Variants in ME1 observed in about 807,000 individuals in gnomAD.
The protein encoded by ME1 is malic enzyme 1, also known as NADP-dependent malic enzyme.
A neutral mutation model predicts 66.4 loss-of-function variants in ME1; 74 were observed. The observed-to-expected ratio is 1.11, with a 90% CI of 0.92 to 1.35. The LOEUF is 1.35. Among genes scored for constraint, ME1 ranks in the 40% most tolerant of loss-of-function variants. The pLI, the probability that ME1 is intolerant of heterozygous loss-of-function variation, is 0.00. For missense variants in ME1, 750 were observed against 694.1 expected (o/e 1.08, Z -0.90); for synonymous variants, 251 against 235.6 (o/e 1.07, Z -0.60).
intron 6 of ME1, among the ~76,000 whole-genome samples, chr6:83,269,997 C>G (rs371812932): frequency 6.6e-6 from 1 of 151,904 alleles, no homozygotes; most frequent in East Asian, 1.9e-4. Flanking sequence ...AAATATAGAC[C>G]CAGAGGTCTG....
intron 6 of ME1, among the ~76,000 whole-genome samples, chr6:83,258,805 T>G (rs1332547976): frequency 6.6e-6 from 1 of 152,126 alleles, no homozygotes; most frequent in Non-Finnish European, 1.5e-5. Flanking sequence ...GGTGGTAAGG[T>G]CTGCACTGAA....
At chr6:83,408,957 A>T (rs1262647927) in intron 1 of ME1, among the ~76,000 whole-genome samples, 1 of 152,164 alleles carries the variant, frequency 6.6e-6, no homozygotes, top group African/African-American at 2.4e-5. Flanking sequence ...CCCCAAGGCG[A>T]TGGCATAGGA....
chr6:83,360,564 G>C (rs1007873565), intron 3 of ME1, among the ~76,000 whole-genome samples: 1 of 152,180 alleles, frequency 6.6e-6, no homozygotes, highest in South Asian at 2.1e-4. Flanking sequence ...CTCCCTGACT[G>C]GTAGGGTGAG....
At chr6:83,315,472 C>A in intron 5 of ME1, 59 bp from the exon 6 acceptor site, 1 of 1,003,950 alleles carries the variant, frequency 1.0e-6, no homozygotes. Context: ...TTTATTGAGC[C>A]TCAGTTTCTT....
chr6:83,281,806 CAAAAAAA>C (rs140157932), intron 6 of ME1, among the ~76,000 whole-genome samples: 15 of 13,278 alleles, frequency 1.1e-3, no homozygotes, highest in African/African-American at 3.6e-3. Context: ...ACTCTGTCTC[CAAAAAAA>C]AAAAAAAAAA....
At chr6:83,254,264 A>G (rs1790768259) in intron 6 of ME1, among the ~76,000 whole-genome samples, 2 of 152,226 alleles carry the variant, frequency 1.3e-5, no homozygotes, top group Admixed American at 1.3e-4. Context: ...TTTGGCTATA[A>G]TGTGGTAGTA....
intron 9 of ME1, chr6:83,229,168 C>T (rs1240663770): frequency 5.3e-6 from 3 of 562,622 alleles, no homozygotes; most frequent in South Asian, 3.3e-5. Context: ...CAAAGTCCTT[C>T]ATTTAATTGA....
At chr6:83,281,753 C>A (rs2128533047) in intron 6 of ME1, among the ~76,000 whole-genome samples, 1 of 126,970 alleles carries the variant, frequency 7.9e-6, no homozygotes, top group East Asian at 2.4e-4. Context: ...TTGCAGTGAG[C>A]CAACATTGTG....
chr6:83,299,989 T>C (rs915038173), intron 6 of ME1, among the ~76,000 whole-genome samples: 2 of 152,228 alleles, frequency 1.3e-5, no homozygotes, highest in Admixed American at 1.3e-4. Context: ...GACGTGCTGC[T>C]GGATTCGGTT....
At chr6:83,417,471 C>T (rs1770184992) in intron 1 of ME1, among the ~76,000 whole-genome samples, 1 of 152,122 alleles carries the variant, frequency 6.6e-6, no homozygotes, top group Admixed American at 6.5e-5. Flanking sequence ...ACCTCCGCCA[C>T]CCAGGTTCAA....
intron 3 of ME1, among the ~76,000 whole-genome samples, chr6:83,387,186 A>G (rs1207546051): frequency 6.6e-6 from 1 of 152,170 alleles, no homozygotes; most frequent in Non-Finnish European, 1.5e-5. Flanking sequence ...ACCATACAGT[A>G]TATAATTAAA....
intron 6 of ME1, among the ~76,000 whole-genome samples, chr6:83,294,483 G>A (rs903251686): frequency 6.6e-6 from 1 of 151,970 alleles, no homozygotes; most frequent in African/African-American, 2.4e-5. Context: ...GTGAGCCCTC[G>A]ATCCCCTGCT....
intron 6 of ME1, among the ~76,000 whole-genome samples, chr6:83,290,634 AT>A (rs1767483817): frequency 1.3e-5 from 2 of 152,176 alleles, no homozygotes; most frequent in African/African-American, 4.8e-5. Context: ...GTAGATGTCT[AT>A]TAGGTCCACT....
intron 5 of ME1, among the ~76,000 whole-genome samples, chr6:83,321,937 G>T (rs991848376): frequency 1.3e-5 from 2 of 152,200 alleles, no homozygotes; most frequent in African/African-American, 4.8e-5. Flanking sequence ...CCTCTTGGGG[G>T]AAGCTGCCAG....
At chr6:83,249,021 GTTTAC>G (rs1032518766) in intron 7 of ME1, among the ~76,000 whole-genome samples, 15 of 151,910 alleles carry the variant, frequency 9.9e-5, no homozygotes, top group African/African-American at 2.7e-4. Context: ...ATAAAACACA[GTTTAC>G]TTAACTTAGG....
intron 9 of ME1, chr6:83,229,259 T>C: frequency 2.4e-6 from 1 of 423,484 alleles, no homozygotes; most frequent in Non-Finnish European, 4.5e-6. Context: ...AATAATTATA[T>C]TGTTCGTCAC....
At chr6:83,393,396 C>T in intron 3 of ME1, 1 of 721,190 alleles carries the variant, frequency 1.4e-6, no homozygotes, top group Non-Finnish European at 2.4e-6. Context: ...CACAGTGTGG[C>T]TTCCAAGGAG....
intron 3 of ME1, among the ~76,000 whole-genome samples, chr6:83,382,482 A>C (rs961956964): frequency 6.6e-6 from 1 of 152,096 alleles, no homozygotes; most frequent in Non-Finnish European, 1.5e-5. Context: ...TTTAAATGTT[A>C]AATTACTATA....
chr6:83,372,656 C>G (rs1769210629), intron 3 of ME1, among the ~76,000 whole-genome samples: 1 of 152,158 alleles, frequency 6.6e-6, no homozygotes, highest in South Asian at 2.1e-4. Context: ...CCAGGTAAGG[C>G]CTGCTAACGT....
Sources: gnomAD v4.1 joint callset for allele counts (sites outside exome capture counted in the v4.1 genomes callset) on GRCh38, gnomAD v4.1.1 for gene constraint, MANE v1.5 for transcripts, NCBI Gene and HGNC (gene_info 2026-07-23, HGNC 2026-07-21) for gene names.